Variants in ANO6 observed in about 807,000 individuals in gnomAD.
ANO6 encodes the protein anoctamin-6.
ANO6 carries 106 observed loss-of-function variants against 117.5 expected under a neutral mutation model. That is an observed-to-expected ratio of 0.90 (90% CI 0.77 to 1.06). The LOEUF is 1.06. Among genes scored for constraint, ANO6 ranks in the 50% least tolerant of loss-of-function variants. The probability of loss-of-function intolerance (pLI) is 0.00; values close to 1 mark genes in which losing one functional copy is unlikely to be tolerated. For synonymous variants in ANO6, 367 were observed against 385.1 expected, an observed-to-expected ratio of 0.95 and a Z score of 0.55; for missense variants, 955 against 1,121.1, an observed-to-expected ratio of 0.85 and a Z score of 2.12.
chr12:45,216,418 C>G (rs1020280143), intron 1 of ANO6, 27 bp downstream of exon 1: 1 of 1,602,392 alleles, frequency 6.2e-7, no homozygotes, highest in Admixed American at 1.7e-5. Flanking sequence ...CGCGTCCCCA[C>G]CCGAGAGCCC....
At chr12:45,266,076 G>T (rs1235058043) in intron 1 of ANO6, among the ~76,000 whole-genome samples, 2 of 152,138 alleles carry the variant, frequency 1.3e-5, no homozygotes, top group African/African-American at 4.8e-5. Context: ...GCCATTCAAG[G>T]CAAAAGTGAT....
At chr12:45,246,256 T>C (rs1947823712) in intron 1 of ANO6, among the ~76,000 whole-genome samples, 2 of 152,214 alleles carry the variant, frequency 1.3e-5, no homozygotes, top group Non-Finnish European at 2.9e-5. Context: ...ATTAGAATCA[T>C]TCATAAGCCA....
chr12:45,350,012 G>A (rs1378421501), intron 6 of ANO6, among the ~76,000 whole-genome samples: 1 of 152,168 alleles, frequency 6.6e-6, no homozygotes, highest in Non-Finnish European at 1.5e-5. Flanking sequence ...AGAGGGAGGT[G>A]TGTGAAGGTC....
chr12:45,262,361 A>G (rs1435063175), intron 1 of ANO6, among the ~76,000 whole-genome samples: 1 of 152,020 alleles, frequency 6.6e-6, no homozygotes, highest in African/African-American at 2.4e-5. Context: ...TAAGTGTACA[A>G]TTCAGTGGCA....
At chr12:45,294,250 C>T (rs1939214465) in intron 1 of ANO6, among the ~76,000 whole-genome samples, 1 of 152,142 alleles carries the variant, frequency 6.6e-6, no homozygotes, top group Non-Finnish European at 1.5e-5. Context: ...GGTAGCACAG[C>T]AAAGGGGAAC....
At chr12:45,389,409 T>A (rs1942383266) in intron 11 of ANO6, among the ~76,000 whole-genome samples, 1 of 152,142 alleles carries the variant, frequency 6.6e-6, no homozygotes, top group South Asian at 2.1e-4. Context: ...TATGAAGTAG[T>A]TTGAGCACTA....
chr12:45,382,005 T>C (rs1942181332), intron 10 of ANO6, among the ~76,000 whole-genome samples: 1 of 151,732 alleles, frequency 6.6e-6, no homozygotes, highest in South Asian at 2.1e-4. Context: ...CTCAGGAAGA[T>C]TAAGCCAATT....
intron 1 of ANO6, among the ~76,000 whole-genome samples, chr12:45,272,132 A>G (rs1342259992): frequency 6.6e-6 from 1 of 151,988 alleles, no homozygotes; most frequent in Non-Finnish European, 1.5e-5. Context: ...TTGTTTAAAG[A>G]TGCAAATTTT....
intron 12 of ANO6, among the ~76,000 whole-genome samples, chr12:45,390,965 A>T (rs1942433625): frequency 6.6e-6 from 1 of 152,134 alleles, no homozygotes; most frequent in Admixed American, 6.5e-5. Context: ...TACTGAAAAT[A>T]CAAAAATTAG....
chr12:45,416,561 A>G, intron 16 of ANO6, 138 bp from the exon 17 acceptor site: 1 of 770,084 alleles, frequency 1.3e-6, no homozygotes, highest in Non-Finnish European at 2.2e-6. Context: ...TCACTGTTGA[A>G]CACTAAATTA....
intron 2 of ANO6, among the ~76,000 whole-genome samples, chr12:45,317,136 T>TATATATATGTATATATATA (rs1940070455): frequency 1.8e-5 from 2 of 108,952 alleles, no homozygotes; most frequent in Non-Finnish European, 4.3e-5. Flanking sequence ...TATATATTTA[T>TATATATATGTATATATATA]TATACTTTAA....
intron 1 of ANO6, among the ~76,000 whole-genome samples, chr12:45,278,168 G>A (rs1938611441): frequency 6.6e-6 from 1 of 152,064 alleles, no homozygotes; most frequent in Admixed American, 6.5e-5. Flanking sequence ...TGTTGCCCAG[G>A]CTGGTCTGGA....
At chr12:45,290,971 CA>C (rs1939073555) in intron 1 of ANO6, among the ~76,000 whole-genome samples, 1 of 152,040 alleles carries the variant, frequency 6.6e-6, no homozygotes, top group Admixed American at 6.6e-5. Context: ...ATCAAGAGTC[CA>C]GAAATAAACC....
intron 14 of ANO6, 40 bp from the exon 15 acceptor site, chr12:45,403,399 C>T (rs1942847690): frequency 1.9e-6 from 3 of 1,557,604 alleles, no homozygotes; most frequent in Admixed American, 1.7e-5. Flanking sequence ...AAGTTAGATC[C>T]ATTGAATATT....
At chr12:45,420,270 G>C (rs79278164) in intron 17 of ANO6, among the ~76,000 whole-genome samples, 4,666 of 152,186 alleles carry the variant, frequency 0.031, 95 homozygotes, top group African/African-American at 0.057. Flanking sequence ...TATGAAAAGA[G>C]CTAAATCAAT....
In ANO6 at chr12:45,430,489, C is replaced by T. The variant is rs111451051; in HGVS notation, c.*1178C>T. Reference sequence around the variant, plus strand: ...CATAAAGAATGTGGCTTCCTTGCATCCTCCATCCTGTTACTCTGGGCCCAG... The same window carrying T: ...CATAAAGAATGTGGCTTCCTTGCATTCTCCATCCTGTTACTCTGGGCCCAG... On this transcript the variant is annotated 3_prime_UTR_variant, in exon 20 of 20. Transcript: ENST00000320560. The T allele has an allele frequency of 2.0e-3, 2,000 of 985,404 alleles. 25 individuals are homozygous for T. In the African/African-American group the frequency reaches 0.029, roughly 14 times the overall value. The allele number at this position is 985,404 out of a possible 1,614,324, so 61.0% of individuals were successfully genotyped here. A position where few individuals can be genotyped will look rare whatever the true frequency, so the allele number is the denominator to read the frequency against.
rs1943352570 is a variant in ANO6, at chr12:45,421,159, C to T, written c.2306C>T (p.Ser769Phe). The change falls in exon 18 of 20, where the codon TCC becomes TTC. Residue 769 changes from serine (S) to phenylalanine (F), a missense_variant. Ser to Phe is a radical substitution (Grantham distance 155). Coordinates refer to ENST00000320560, the MANE Select transcript of ANO6 (RefSeq NM_001025356.3). ...FSVPPYGDHT[S>F]YTMEGYINNT... ...GTCCCTCCCTACGGGGACCACACTT[C>T]CTACACCATGGAAGGGTACATCAAC... 6.2e-7 allele frequency: 1 copy of T among 1,614,036 alleles called. No individual in the cohort carries two copies. Among genetic ancestry groups the T allele is most frequent in the East Asian group, 2.2e-5 (1 of 44,858 alleles).
chr12:45,337,206 C>T (rs911017040), intron 3 of ANO6, among the ~76,000 whole-genome samples: 38 of 152,148 alleles, frequency 2.5e-4, no homozygotes, highest in Middle Eastern at 3.4e-3. Context: ...GCTGACTCAC[C>T]CACAGCAACT....
At chr12:45,284,317 TTTATGGCCAGAATC>T (rs1472437287) in intron 1 of ANO6, among the ~76,000 whole-genome samples, 3 of 139,618 alleles carry the variant, frequency 2.1e-5, no homozygotes, top group Non-Finnish European at 3.2e-5. Flanking sequence ...AGATAAGTAC[TTTATGGCCAGAATC>T]TTATGGCCAG....
Sources: gnomAD v4.1 joint callset for allele counts (sites outside exome capture counted in the v4.1 genomes callset) on GRCh38, gnomAD v4.1.1 for gene constraint, MANE v1.5 for transcripts, NCBI Gene and HGNC (gene_info 2026-07-23, HGNC 2026-07-21) for gene names.